PTPN13: variants seen among roughly 807,000 people sequenced by gnomAD.
PTPN13 encodes protein tyrosine phosphatase non-receptor type 13.
A neutral mutation model predicts 284.0 loss-of-function variants in PTPN13; 191 were observed. The ratio of observed to expected loss-of-function variants is 0.67; its 90% CI spans 0.60 to 0.76. The LOEUF is 0.76. Among genes scored for constraint, PTPN13 ranks in the 30% least tolerant of loss-of-function variants. The pLI is 0.00. For missense variants in PTPN13, 2,797 were observed against 2,939.9 expected, an observed-to-expected ratio of 0.95 and a Z score of 1.12; for synonymous variants, 986 against 1,022.3, an observed-to-expected ratio of 0.96 and a Z score of 0.68.
intron 14 of PTPN13, 25 bp from the exon 15 acceptor site, chr4:86,735,569 C>T (rs2149141211): frequency 6.3e-7 from 1 of 1,599,822 alleles, no homozygotes; most frequent in East Asian, 2.2e-5. Flanking sequence ...CAAACAATTG[C>T]TTATGAAAAC....
intron 1 of PTPN13, among the ~76,000 whole-genome samples, chr4:86,602,944 C>T (rs1056693289): frequency 2.0e-5 from 3 of 152,156 alleles, no homozygotes; most frequent in Non-Finnish European, 4.4e-5. Context: ...AGCGATCCTC[C>T]TGCCTCAGCC....
intron 35 of PTPN13, among the ~76,000 whole-genome samples, chr4:86,776,099 C>T (rs952335166): frequency 6.6e-6 from 1 of 152,186 alleles, no homozygotes; most frequent in Admixed American, 6.5e-5. Flanking sequence ...GCACCCGCCA[C>T]CACGCCAGGC....
At chr4:86,699,622 G>A (rs1386446308) in intron 6 of PTPN13, among the ~76,000 whole-genome samples, 4 of 152,152 alleles carry the variant, frequency 2.6e-5, no homozygotes, top group Admixed American at 2.6e-4. Context: ...ATGAATTTAT[G>A]GTGTTGCCAA....
Position 86,717,139 on chromosome 4 carries a change from A to G in PTPN13, c.1385+22A>G, listed in dbSNP as rs533993563. 6 of 1,497,348 alleles carry G rather than the reference A, an allele frequency of 4.0e-6. No individual in the cohort carries two copies. The African/African-American group carries it at 5.5e-5, about 14-fold the overall frequency. The allele number at this position is 1,497,348 out of a possible 1,614,324, so 92.8% of individuals were successfully genotyped here. A position where few individuals can be genotyped will look rare whatever the true frequency, so the allele number is the denominator to read the frequency against. Reference sequence around the variant, plus strand: ...CGAGGTATGTCATGAAAAAGTAGTGATGATACATTTCCAGTGACCAGTGTT... The same window carrying G: ...CGAGGTATGTCATGAAAAAGTAGTGGTGATACATTTCCAGTGACCAGTGTT... On this transcript the variant is annotated intron_variant, in intron 9 of 47. Transcript: ENST00000411767.
chr4:86,601,363 A>G (rs1215296844), intron 1 of PTPN13, among the ~76,000 whole-genome samples: 4 of 152,110 alleles, frequency 2.6e-5, no homozygotes, highest in African/African-American at 9.7e-5. Context: ...GAAATGAAAA[A>G]CAGGATATGT....
chr4:86,802,214 A>T (rs2149369344), intron 42 of PTPN13, among the ~76,000 whole-genome samples: 1 of 151,364 alleles, frequency 6.6e-6, no homozygotes, highest in East Asian at 1.9e-4. Flanking sequence ...AACTTAGAGA[A>T]TATTGTGAAG....
Position 86,689,115 on chromosome 4 carries a change from T to C in PTPN13, c.471T>C (p.Ile157=), listed in dbSNP as rs371287400. Residue 157 remains isoleucine, a synonymous_variant, in exon 5 of 48, where the codon ATT becomes ATC. Transcript: ENST00000411767. The part of the protein sequence containing the change: ...RTVLDACSAH[I]RNSNCAPSFS... ...TGCTGGATGCTTGCAGTGCCCACAT[T>C]AGGAATAGCAATTGTGCACCCTCAT... is the stretch of plus-strand genomic sequence containing the variant. 192 of 1,613,180 alleles carry C rather than the reference T, an allele frequency of 1.2e-4. No individual in the cohort carries two copies. Among genetic ancestry groups the C allele is most frequent in the Admixed American group, 2.7e-4 (16 of 59,998 alleles).
At chr4:86,717,255 C>CATAGCT in intron 9 of PTPN13, 138 bp downstream of exon 9, 5 of 587,760 alleles carry the variant, frequency 8.5e-6, no homozygotes, top group Non-Finnish European at 1.5e-5. Context: ...GTGGCGCAAT[C>CATAGCT]TCGGCTCACT....
chr4:86,807,968 G>T, intron 45 of PTPN13, 71 bp downstream of exon 45: 1 of 1,284,162 alleles, frequency 7.8e-7, no homozygotes, highest in Admixed American at 2.4e-5. Context: ...GACTCTTTCC[G>T]TGATTGCACC....
intron 15 of PTPN13, 144 bp from the exon 16 acceptor site, chr4:86,741,490 C>T (rs946243118): frequency 3.0e-6 from 2 of 660,814 alleles, no homozygotes; most frequent in Non-Finnish European, 5.1e-6. Flanking sequence ...ATTCAGTTAC[C>T]TCTCAGTGGG....
At chr4:86,626,504 A>AT (rs952916938) in intron 1 of PTPN13, among the ~76,000 whole-genome samples, 3 of 151,990 alleles carry the variant, frequency 2.0e-5, no homozygotes, top group Admixed American at 1.3e-4. Context: ...AGGCAATAAT[A>AT]TTTTTTCTCT....
At chr4:86,757,053 T>C (rs1490308383) in intron 20 of PTPN13, among the ~76,000 whole-genome samples, 1 of 152,180 alleles carries the variant, frequency 6.6e-6, no homozygotes, top group Non-Finnish European at 1.5e-5. Flanking sequence ...TGAACTGTCA[T>C]TGTAATTGAT....
intron 7 of PTPN13, among the ~76,000 whole-genome samples, chr4:86,705,210 T>G (rs1731614137): frequency 6.6e-6 from 1 of 151,782 alleles, no homozygotes; most frequent in African/African-American, 2.4e-5. Context: ...GGTACATGCC[T>G]GTAGTCCCAG....
intron 1 of PTPN13, among the ~76,000 whole-genome samples, chr4:86,615,116 A>G (rs899469137): frequency 6.6e-5 from 10 of 152,144 alleles, no homozygotes; most frequent in African/African-American, 2.4e-4. Context: ...CTCACGGTCT[A>G]TTGATTGGAA....
At chr4:86,682,644 G>A (rs1331273040) in intron 3 of PTPN13, among the ~76,000 whole-genome samples, 2 of 152,082 alleles carry the variant, frequency 1.3e-5, no homozygotes, top group African/African-American at 2.4e-5. Context: ...TATGCAGTCT[G>A]TAACCCATCT....
At chr4:86,768,438 C>T (rs1739579276) in intron 28 of PTPN13, among the ~76,000 whole-genome samples, 1 of 152,204 alleles carries the variant, frequency 6.6e-6, no homozygotes, top group South Asian at 2.1e-4. Flanking sequence ...GGACAGATCA[C>T]TAATTGGTAG....
intron 7 of PTPN13, among the ~76,000 whole-genome samples, chr4:86,707,473 T>G (rs1731892842): frequency 6.6e-6 from 1 of 152,200 alleles, no homozygotes; most frequent in African/African-American, 2.4e-5. Flanking sequence ...GAACCCATTC[T>G]CATTTGAGGA....
At chr4:86,677,087 A>G (rs1232751439) in intron 3 of PTPN13, among the ~76,000 whole-genome samples, 4 of 151,842 alleles carry the variant, frequency 2.6e-5, no homozygotes, top group Non-Finnish European at 5.9e-5. Flanking sequence ...CTAACACGGT[A>G]AAACCCTGTC....
intron 3 of PTPN13, among the ~76,000 whole-genome samples, chr4:86,686,013 T>A (rs1729411507): frequency 6.6e-6 from 1 of 152,164 alleles, no homozygotes; most frequent in African/African-American, 2.4e-5. Context: ...ATATACCATT[T>A]AAAAAAATAA....
Sources: gnomAD v4.1 joint callset for allele counts (sites outside exome capture counted in the v4.1 genomes callset) on GRCh38, gnomAD v4.1.1 for gene constraint, MANE v1.5 for transcripts, NCBI Gene and HGNC (gene_info 2026-07-23, HGNC 2026-07-21) for gene names.